Variants in PPP6R3 observed in about 807,000 individuals in gnomAD.
PPP6R3 encodes the protein serine/threonine-protein phosphatase 6 regulatory subunit 3.
In PPP6R3, 38 loss-of-function variants were observed where a neutral mutation model predicts 110.7. The ratio of observed to expected loss-of-function variants is 0.34; its 90% CI spans 0.26 to 0.45. The LOEUF (loss-of-function observed/expected upper bound fraction) is 0.45. Among genes scored for constraint, PPP6R3 ranks in the 20% least tolerant of loss-of-function variants. The probability of loss-of-function intolerance (pLI) is 1.00; values close to 1 mark genes in which losing one functional copy is unlikely to be tolerated. For missense variants in PPP6R3, 870 were observed against 1,062.4 expected, an observed-to-expected ratio of 0.82 and a Z score of 2.52; for synonymous variants, 369 against 373.5, an observed-to-expected ratio of 0.99 and a Z score of 0.14.
chr11:68,596,755 C>T (rs1275666387), intron 19 of PPP6R3, among the ~76,000 whole-genome samples: 1 of 152,226 alleles, frequency 6.6e-6, no homozygotes, highest in Non-Finnish European at 1.5e-5. Flanking sequence ...TTTAAAAATA[C>T]TTCAAAAACT....
At chr11:68,468,503 A>G (rs2098765190) in intron 1 of PPP6R3, among the ~76,000 whole-genome samples, 1 of 152,188 alleles carries the variant, frequency 6.6e-6, no homozygotes, top group African/African-American at 2.4e-5. Flanking sequence ...CTCAGCAGCT[A>G]TGAGATCCTC....
chr11:68,603,568 A>ATT, intron 22 of PPP6R3, 76 bp downstream of exon 22: 1 of 1,550,122 alleles, frequency 6.5e-7, no homozygotes. Flanking sequence ...AAACATTAAA[A>ATT]TTTTTAATTT....
At chr11:68,573,080 G>A (rs1278868219) in intron 12 of PPP6R3, among the ~76,000 whole-genome samples, 4 of 121,518 alleles carry the variant, frequency 3.3e-5, no homozygotes, top group Non-Finnish European at 6.6e-5. Context: ...TTGTAAATAG[G>A]TAGAGAAATC....
At chr11:68,608,688 G>A (rs963633243) in intron 22 of PPP6R3, among the ~76,000 whole-genome samples, 2 of 152,210 alleles carry the variant, frequency 1.3e-5, no homozygotes, top group African/African-American at 2.4e-5. Flanking sequence ...CACGCCACGG[G>A]TGCTGTGCCA....
intron 1 of PPP6R3, among the ~76,000 whole-genome samples, chr11:68,461,262 C>T (rs993013282): frequency 2.0e-4 from 31 of 151,958 alleles, no homozygotes; most frequent in Non-Finnish European, 3.7e-4. Context: ...CCTCGGGGAG[C>T]GCGTCAAGTT....
chr11:68,543,114 T>C (rs1440577916), intron 3 of PPP6R3, among the ~76,000 whole-genome samples: 1 of 152,144 alleles, frequency 6.6e-6, no homozygotes. Flanking sequence ...CCTTTTTTAC[T>C]CCCCTCCTCC....
chr11:68,501,795 A>G (rs1204697668), intron 1 of PPP6R3, among the ~76,000 whole-genome samples: 6 of 152,166 alleles, frequency 3.9e-5, no homozygotes, highest in Admixed American at 3.3e-4. Context: ...TTTGGCCACT[A>G]ATTCATTCAG....
chr11:68,500,184 T>C (rs901139322), intron 1 of PPP6R3, among the ~76,000 whole-genome samples: 19 of 152,218 alleles, frequency 1.2e-4, no homozygotes, highest in African/African-American at 3.6e-4. Context: ...TTGCTTGATA[T>C]TATTCAATAC....
chr11:68,579,269 G>A (rs1050682439), intron 14 of PPP6R3, among the ~76,000 whole-genome samples: 2 of 152,142 alleles, frequency 1.3e-5, no homozygotes, highest in African/African-American at 2.4e-5. Context: ...TCACTAATAC[G>A]GGCCTCAGAG....
At chr11:68,549,529 C>T (rs896047683) in intron 5 of PPP6R3, among the ~76,000 whole-genome samples, 4 of 152,102 alleles carry the variant, frequency 2.6e-5, no homozygotes, top group Non-Finnish European at 5.9e-5. Context: ...TGGGACTTGT[C>T]TGTTGGCAGG....
At chr11:68,595,999 C>T in intron 18 of PPP6R3, 98 bp from the exon 19 acceptor site, 1 of 1,475,506 alleles carries the variant, frequency 6.8e-7, no homozygotes, top group Non-Finnish European at 9.3e-7. Context: ...TGCTGAAGCA[C>T]CACAGGACCT....
intron 2 of PPP6R3, among the ~76,000 whole-genome samples, chr11:68,529,208 G>C (rs1432943458): frequency 6.6e-6 from 1 of 152,122 alleles, no homozygotes; most frequent in Non-Finnish European, 1.5e-5. Context: ...ATATGTACCT[G>C]TTTTTGGGTG....
rs182666920 is a variant in PPP6R3 at position 68,607,876 on chromosome 11, C to T, written c.2451-2028C>T. On this transcript the variant is annotated intron_variant, in intron 22 of 23. Coordinates refer to ENST00000393800, the MANE Select transcript of PPP6R3 (RefSeq NM_001164161.2). ...GTAACTTCCAACTCCTGAGCTCCAG[C>T]AGTCCTCCCACCTCAGTATCCCAAG... 7.2e-5 allele frequency among the ~76,000 whole-genome samples: 11 copies of T among 152,124 alleles called. No individual in the cohort carries two copies. The East Asian group carries it at 2.1e-3, about 29-fold the overall frequency.
At position 68,614,107 on chromosome 11, in the gene PPP6R3, G is replaced by C. The variant is rs1944708755; in HGVS notation, c.*990G>C. 1.0e-6 allele frequency: 1 copy of C among 986,016 alleles called. No individual in the cohort carries two copies. Among genetic ancestry groups the C allele is most frequent in the Admixed American group, 6.2e-5 (1 of 16,252 alleles). 61.1% of individuals were successfully genotyped at this position (986,016 alleles called of 1,614,324 possible). On this transcript the variant is annotated 3_prime_UTR_variant, in exon 24 of 24. Transcript: ENST00000393800. Reference sequence around the variant, plus strand: ...TGCTCGTGCTGCTAATGGAATTAGAGTGCGTTCATTTTACAGGCTAGTATT... The same window carrying C: ...TGCTCGTGCTGCTAATGGAATTAGACTGCGTTCATTTTACAGGCTAGTATT...
At chr11:68,547,952 A>G (rs2099355837) in intron 4 of PPP6R3, 115 bp from the exon 5 acceptor site, 7 of 1,090,620 alleles carry the variant, frequency 6.4e-6, no homozygotes, top group Non-Finnish European at 7.6e-6. Flanking sequence ...AGCATTTGCC[A>G]TTTCTCAACC....
intron 1 of PPP6R3, among the ~76,000 whole-genome samples, chr11:68,515,913 A>G (rs929987424): frequency 3.3e-5 from 5 of 152,198 alleles, no homozygotes; most frequent in Admixed American, 3.3e-4. Flanking sequence ...ACATATTAAA[A>G]AATTTACCAT....
intron 22 of PPP6R3, among the ~76,000 whole-genome samples, chr11:68,606,477 AGT>A (rs10606157): frequency 0.015 from 1,899 of 128,722 alleles, 48 homozygotes; most frequent in African/African-American, 0.057. Flanking sequence ...AAATTTATGT[AGT>A]TTTTTTTTTT....
At chr11:68,508,514 A>G (rs1194935246) in intron 1 of PPP6R3, among the ~76,000 whole-genome samples, 1 of 152,112 alleles carries the variant, frequency 6.6e-6, no homozygotes, top group Non-Finnish European at 1.5e-5. Context: ...TAAAACAGGG[A>G]TGATAATAAT....
chr11:68,516,316 A>G (rs911995782), intron 1 of PPP6R3, among the ~76,000 whole-genome samples: 6 of 152,196 alleles, frequency 3.9e-5, no homozygotes, highest in Admixed American at 2.0e-4. Context: ...CATACAACAC[A>G]TGTGACCTCA....
Sources: allele counts gnomAD v4.1 joint callset (sites outside exome capture counted in the v4.1 genomes callset), GRCh38; gene constraint gnomAD v4.1.1; transcripts MANE v1.5; gene names NCBI Gene and HGNC (gene_info 2026-07-23, HGNC 2026-07-21).